ZNF704: variants seen among roughly 807,000 people sequenced by gnomAD.
ZNF704 encodes the protein zinc finger protein 704.
In ZNF704, 10 loss-of-function variants were observed where a neutral mutation model predicts 44.7. The observed-to-expected ratio is 0.22, with a 90% CI of 0.14 to 0.38. ZNF704 has a LOEUF of 0.38. ZNF704 is among the 10% of genes least tolerant of loss of function. The pLI, the probability that ZNF704 is intolerant of heterozygous loss-of-function variation, is 1.00. For missense variants in ZNF704, 390 were observed against 545.5 expected (o/e 0.71, Z 2.84); for synonymous variants, 211 against 207.6 (o/e 1.02, Z -0.14).
chr8:80,649,977 C>A (rs768286985), intron 7 of ZNF704, among the ~76,000 whole-genome samples: 1 of 152,170 alleles, frequency 6.6e-6, no homozygotes, highest in African/African-American at 2.4e-5. Context: ...TCCAGAGGAA[C>A]GATCAGGCAG....
At chr8:80,878,505 T>G (rs1486228448), upstream of ZNF704, among the ~76,000 whole-genome samples, 3 of 152,220 alleles carry the variant, frequency 2.0e-5, no homozygotes, top group Non-Finnish European at 2.9e-5. Context: ...GATTAGTAGC[T>G]CCTTTTAAAA....
At chr8:80,683,089 G>A (rs747022799) in intron 4 of ZNF704, among the ~76,000 whole-genome samples, 16 of 152,092 alleles carry the variant, frequency 1.1e-4, no homozygotes, top group Non-Finnish European at 2.1e-4. Flanking sequence ...CGAACTCCCC[G>A]AATGGCTGTA....
chr8:80,867,546 G>C (rs958530565), intron 1 of ZNF704, among the ~76,000 whole-genome samples: 1 of 152,030 alleles, frequency 6.6e-6, no homozygotes, highest in Non-Finnish European at 1.5e-5. Context: ...GTGGTCAAAT[G>C]AAAGTACTGG....
intron 1 of ZNF704, among the ~76,000 whole-genome samples, chr8:80,834,901 T>C (rs565094911): frequency 1.1e-3 from 165 of 152,342 alleles, no homozygotes; most frequent in Non-Finnish European, 1.8e-3. Flanking sequence ...CCATGGTGTA[T>C]ATGTGCCACA....
intron 1 of ZNF704, among the ~76,000 whole-genome samples, chr8:80,869,222 G>A: frequency 6.6e-6 from 1 of 152,170 alleles, no homozygotes; most frequent in Admixed American, 6.5e-5. Flanking sequence ...ATTACTCTAT[G>A]CATGAGGCCA....
intron 2 of ZNF704, among the ~76,000 whole-genome samples, chr8:80,746,309 A>G (rs1323606876): frequency 6.6e-6 from 1 of 152,246 alleles, no homozygotes; most frequent in African/African-American, 2.4e-5. Context: ...GAGAAAGCAC[A>G]GTATATATTT....
the ZNF704 span, among the ~76,000 whole-genome samples, chr8:80,883,136 T>C: frequency 6.9e-6 from 1 of 145,928 alleles, no homozygotes; most frequent in Non-Finnish European, 1.5e-5. Context: ...TGGTCCCAGC[T>C]ACTCAGGAGG....
chr8:80,861,991 CTTTTTTTTTT>C (rs71266093), intron 1 of ZNF704, among the ~76,000 whole-genome samples: 32 of 92,946 alleles, frequency 3.4e-4, no homozygotes, highest in Non-Finnish European at 5.5e-4. Flanking sequence ...AAAAAATAAC[CTTTTTTTTTT>C]TTTTTTTTTT....
rs1817701992 is a variant in ZNF704, at chr8:80,639,000, T to G, written c.*2366A>C. ...GCTCAGCTAAGCTGGAGCTCAGCAC[T>G]ACTTATGGGGTATATATCTGGGGGT... On this transcript the variant is annotated 3_prime_UTR_variant, in exon 9 of 9. Coordinates refer to ENST00000327835, the MANE Select transcript of ZNF704 (RefSeq NM_001033723.3). The G allele has an allele frequency of 6.6e-6, 1 of 152,610 alleles. No individual in the cohort carries two copies. Among genetic ancestry groups the G allele is most frequent in the Admixed American group, 6.5e-5 (1 of 15,298 alleles). The allele number at this position is 152,610 out of a possible 1,614,324, so 9.5% of individuals were successfully genotyped here. A position where few individuals can be genotyped will look rare whatever the true frequency, so the allele number is the denominator to read the frequency against.
chr8:80,754,512 T>C (rs528285349), intron 2 of ZNF704, among the ~76,000 whole-genome samples: 2 of 152,352 alleles, frequency 1.3e-5, no homozygotes, highest in African/African-American at 4.8e-5. Flanking sequence ...TAACTCCACT[T>C]GACATGAAAT....
chr8:80,750,407 CAT>C (rs1351528727), intron 2 of ZNF704, among the ~76,000 whole-genome samples: 2 of 151,334 alleles, frequency 1.3e-5, no homozygotes, highest in Non-Finnish European at 2.9e-5. Flanking sequence ...TTTAGTATAA[CAT>C]ATGCAATATG....
chr8:80,696,395 C>A (rs1298421030), intron 2 of ZNF704, among the ~76,000 whole-genome samples: 1 of 152,076 alleles, frequency 6.6e-6, no homozygotes, highest in Non-Finnish European at 1.5e-5. Context: ...ATGTTTGAGA[C>A]CAGAAGTGTT....
intron 2 of ZNF704, among the ~76,000 whole-genome samples, chr8:80,806,661 C>A (rs924395861): frequency 1.2e-4 from 18 of 152,170 alleles, no homozygotes; most frequent in Non-Finnish European, 8.8e-5. Context: ...CTCTTCTGAA[C>A]AGGACCAAAT....
intron 2 of ZNF704, among the ~76,000 whole-genome samples, chr8:80,736,663 A>G (rs1437953370): frequency 6.6e-6 from 1 of 152,206 alleles, no homozygotes; most frequent in Non-Finnish European, 1.5e-5. Flanking sequence ...CAAAGGCATA[A>G]GAATGATACA....
chr8:80,864,982 T>G (rs532858182), intron 1 of ZNF704, among the ~76,000 whole-genome samples: 20 of 152,272 alleles, frequency 1.3e-4, no homozygotes, highest in African/African-American at 4.8e-4. Flanking sequence ...AGTAGATAAA[T>G]GACTCACAGC....
chr8:80,863,276 T>G (rs1015080710), intron 1 of ZNF704, among the ~76,000 whole-genome samples: 1 of 152,198 alleles, frequency 6.6e-6, no homozygotes, highest in African/African-American at 2.4e-5. Context: ...TTAGTTTCTG[T>G]AAGCACTTGC....
chr8:80,873,382 C>T (rs1809290882), intron 1 of ZNF704, among the ~76,000 whole-genome samples: 1 of 152,046 alleles, frequency 6.6e-6, no homozygotes, highest in South Asian at 2.1e-4. Flanking sequence ...GTTCCTCGCG[C>T]TGCCCCGCGC....
At chr8:80,776,251 T>C (rs1807409119) in intron 2 of ZNF704, among the ~76,000 whole-genome samples, 1 of 152,220 alleles carries the variant, frequency 6.6e-6, no homozygotes, top group African/African-American at 2.4e-5. Context: ...ACTGAATCAA[T>C]GGTATAATTT....
At chr8:80,841,865 C>A (rs1052813715) in intron 1 of ZNF704, among the ~76,000 whole-genome samples, 1 of 152,206 alleles carries the variant, frequency 6.6e-6, no homozygotes, top group South Asian at 2.1e-4. Context: ...TCATAGCTCA[C>A]GGCAGCCTCA....
Sources: allele counts gnomAD v4.1 joint callset (sites outside exome capture counted in the v4.1 genomes callset), GRCh38; gene constraint gnomAD v4.1.1; transcripts MANE v1.5; gene names NCBI Gene and HGNC (gene_info 2026-07-23, HGNC 2026-07-21).